Variants in AMD1 observed in about 807,000 individuals in gnomAD.
The protein encoded by AMD1 is S-adenosylmethionine decarboxylase proenzyme.
Under a neutral mutation model 40.2 loss-of-function variants are expected in AMD1, and 11 were observed. The observed-to-expected ratio is 0.27, with a 90% CI of 0.17 to 0.45. The LOEUF (loss-of-function observed/expected upper bound fraction) is 0.45. Among genes scored for constraint, AMD1 ranks in the 20% least tolerant of loss-of-function variants. AMD1 has a pLI of 1.00. For missense variants in AMD1, 257 were observed against 410.2 expected (o/e 0.63, Z 3.23); for synonymous variants, 121 against 130.8 (o/e 0.93, Z 0.51).
the AMD1 span, among the ~76,000 whole-genome samples, chr6:110,847,908 G>T: frequency 0.011 from 1,689 of 151,480 alleles, 29 homozygotes; most frequent in African/African-American, 0.039. Context: ...TAGAGACAGG[G>T]TTTCACCATG....
At chr6:110,859,918 T>G in the AMD1 span, among the ~76,000 whole-genome samples, 1 of 152,252 alleles carries the variant, frequency 6.6e-6, no homozygotes, top group South Asian at 2.1e-4. Context: ...CACCTCCACC[T>G]CCCTGGCTCA....
the AMD1 span, among the ~76,000 whole-genome samples, chr6:110,825,075 C>T: frequency 1.3e-3 from 198 of 152,188 alleles, 1 homozygote; most frequent in African/African-American, 4.7e-3. Flanking sequence ...CCCCTGAAGC[C>T]CAGATAGTAC....
chr6:110,889,064 A>G, intron 3 of AMD1, 81 bp downstream of exon 3: 1 of 1,521,304 alleles, frequency 6.6e-7, no homozygotes, highest in Non-Finnish European at 8.9e-7. Flanking sequence ...AAATAAATTT[A>G]TATACTTACT....
the AMD1 span, among the ~76,000 whole-genome samples, chr6:110,820,211 C>T: frequency 0.16 from 23,606 of 151,152 alleles, 2,057 homozygotes; most frequent in East Asian, 0.31. Context: ...ACTCTATGGA[C>T]GCACCCCAAA....
At chr6:110,869,448 A>G in the AMD1 span, among the ~76,000 whole-genome samples, 1 of 143,188 alleles carries the variant, frequency 7.0e-6, no homozygotes, top group Non-Finnish European at 1.5e-5. Context: ...TTTAGCTTCT[A>G]TTTCTTCTGT....
intron 1 of AMD1, among the ~76,000 whole-genome samples, chr6:110,876,790 G>C (rs1168637351): frequency 6.8e-6 from 1 of 146,808 alleles, no homozygotes; most frequent in African/African-American, 2.8e-5. Flanking sequence ...ATTGTGATCA[G>C]GATAATTAAC....
At chr6:110,842,868 T>C in the AMD1 span, among the ~76,000 whole-genome samples, 1 of 151,868 alleles carries the variant, frequency 6.6e-6, no homozygotes, top group African/African-American at 2.4e-5. Context: ...GGTGTGGTGG[T>C]TCACACCTGT....
upstream of AMD1, among the ~76,000 whole-genome samples, chr6:110,870,689 A>G (rs1399668241): frequency 2.6e-5 from 4 of 152,116 alleles, no homozygotes; most frequent in African/African-American, 9.7e-5. Context: ...TTATAAGGAA[A>G]GTGGTTTTTG....
the AMD1 span, among the ~76,000 whole-genome samples, chr6:110,852,767 T>C: frequency 2.6e-5 from 4 of 152,212 alleles, no homozygotes; most frequent in South Asian, 6.2e-4. Context: ...AAGAGTCAAT[T>C]TTCATACTTT....
chr6:110,815,241 T>C, the AMD1 span: 1 of 1,130,254 alleles, frequency 8.8e-7, no homozygotes, highest in Non-Finnish European at 1.1e-6. Flanking sequence ...CAGCCGCCTC[T>C]CGCGCGCGCG....
At chr6:110,831,586 C>T in the AMD1 span, among the ~76,000 whole-genome samples, 10 of 152,122 alleles carry the variant, frequency 6.6e-5, no homozygotes, top group African/African-American at 2.2e-4. Flanking sequence ...TGAACCACCA[C>T]GCCCAGCCTT....
At chr6:110,836,012 C>CAAAAAAAAAAAAAA in the AMD1 span, among the ~76,000 whole-genome samples, 4 of 60,748 alleles carry the variant, frequency 6.6e-5, no homozygotes, top group Non-Finnish European at 9.7e-5. Flanking sequence ...GACCTTGACT[C>CAAAAAAAAAAAAAA]AAAAAAAAAA....
At chr6:110,882,562 T>C (rs562160493) in intron 1 of AMD1, among the ~76,000 whole-genome samples, 1 of 152,364 alleles carries the variant, frequency 6.6e-6, no homozygotes, top group East Asian at 1.9e-4. Context: ...TTCACCTCTT[T>C]TATGTACATG....
chr6:110,893,056 TG>T lies in AMD1; in HGVS notation c.856del (p.Val286LeufsTer51). On this transcript the variant is annotated frameshift_variant, in exon 8 of 9. Transcript: ENST00000368885. LOFTEE classifies it high-confidence loss of function. ...CAGGAAAATTTGTGACCACCTTGTT[TG>T]TTAATCAGGTAATTTTATATTTTAT... ...KPGKFVTTLF[V>X]NQSSKCRTVL... The T allele has an allele frequency of 6.2e-7, 1 of 1,600,834 alleles. No homozygotes were observed. Among genetic ancestry groups the T allele is most frequent in the Non-Finnish European group, 8.5e-7 (1 of 1,175,672 alleles).
chr6:110,868,042 C>T, the AMD1 span, among the ~76,000 whole-genome samples: 2 of 152,084 alleles, frequency 1.3e-5, no homozygotes, highest in South Asian at 4.1e-4. Context: ...CCAGGCTGGT[C>T]TGGAACTCCT....
At chr6:110,820,623 C>T in the AMD1 span, among the ~76,000 whole-genome samples, 4 of 151,916 alleles carry the variant, frequency 2.6e-5, no homozygotes, top group South Asian at 2.1e-4. Context: ...CTAAATGGGC[C>T]AAGCGTGGTG....
At position 110,874,960 on chromosome 6, in the gene AMD1, A is replaced by T; in HGVS notation, c.-146A>T. On this transcript the variant is annotated 5_prime_UTR_variant, in exon 1 of 9. Coordinates refer to ENST00000368885, the MANE Select transcript of AMD1 (RefSeq NM_001634.6). ...ATTAGTCCTTTTTTTAAAAAAAGTT[A>T]ATATAAAATTATAGCAAAAAAAAAA... is the stretch of plus-strand genomic sequence containing the variant. The T allele has an allele frequency of 1.6e-6, 1 of 612,358 alleles. No homozygotes were observed. The highest frequency in any genetic ancestry group is 2.8e-6 in the Non-Finnish European group (1 of 356,242). 37.9% of individuals were successfully genotyped at this position (612,358 alleles called of 1,614,324 possible).
rs397748331 is a variant in AMD1, at chr6:110,892,732, C to CG, written c.616-3_616-2insG. On this transcript the variant is annotated splice_region_variant and splice_polypyrimidine_tract_variant and intron_variant, in intron 6 of 8. Transcript: ENST00000368885. ...GTTAAACTCGGTCTTTTTCCCCCCC[C>CG]AGGAGAGTGGAATTCGTGACCTGAT... The CG allele has an allele frequency of 6.2e-7, 1 of 1,612,054 alleles. No homozygotes were observed. The highest frequency in any genetic ancestry group is 1.1e-5 in the South Asian group (1 of 91,020).
Position 110,887,571 on chromosome 6 carries a change from G to T in AMD1, c.177G>T (p.Lys59Asn), listed in dbSNP as rs760227636. Residue 59 changes from lysine to asparagine, a missense_variant, in exon 2 of 9, where the codon AAG becomes AAT. By Grantham distance (94) the Lys-to-Asn change is moderately conservative. Coordinates refer to ENST00000368885, the MANE Select transcript of AMD1 (RefSeq NM_001634.6). ...TCATAAGTGTGACAAAAACTGACAAGCAGGAAGCTTATGTACTCAGGTAAG... is the reference window on the plus strand; with the variant it reads ...TCATAAGTGTGACAAAAACTGACAATCAGGAAGCTTATGTACTCAGGTAAG... ...CSIISVTKTD[K>N]QEAYVLSESS... 1 of 1,607,946 alleles carries T rather than the reference G, an allele frequency of 6.2e-7. No homozygotes were observed. Among genetic ancestry groups the T allele is most frequent in the Non-Finnish European group, 8.5e-7 (1 of 1,177,672 alleles).
Sources: allele counts gnomAD v4.1 joint callset (sites outside exome capture counted in the v4.1 genomes callset), GRCh38; gene constraint gnomAD v4.1.1; transcripts MANE v1.5; gene names NCBI Gene and HGNC (gene_info 2026-07-23, HGNC 2026-07-21).